The following COL4A1 variants were observed in gnomAD, a reference collection of about 807,000 sequenced individuals.
The protein encoded by COL4A1 is collagen alpha-1(IV) chain.
In COL4A1, 40 loss-of-function variants were observed where a neutral mutation model predicts 216.6. The observed-to-expected ratio is 0.18, with a 90% confidence interval of 0.14 to 0.24. COL4A1 has a LOEUF of 0.24. Among genes scored for constraint, COL4A1 ranks in the 10% least tolerant of loss-of-function variants. The pLI is 1.00. For synonymous variants in COL4A1, 839 were observed against 810.7 expected (o/e 1.03, Z -0.59); for missense variants, 1,628 against 2,196.8 (o/e 0.74, Z 5.18).
intron 2 of COL4A1, among the ~76,000 whole-genome samples, chr13:110,240,977 C>G (rs1390441864): frequency 6.6e-6 from 1 of 152,182 alleles, no homozygotes; most frequent in African/African-American, 2.4e-5. Flanking sequence ...TCAAGCAATT[C>G]TCCTGTCTCA....
intron 2 of COL4A1, among the ~76,000 whole-genome samples, chr13:110,233,985 A>T (rs1007692079): frequency 1.3e-5 from 2 of 152,206 alleles, no homozygotes; most frequent in Non-Finnish European, 2.9e-5. Context: ...CTATCCATGG[A>T]TCTGTCTAGA....
chr13:110,225,523 C>T (rs1465350946), intron 2 of COL4A1, among the ~76,000 whole-genome samples: 2 of 152,164 alleles, frequency 1.3e-5, no homozygotes, highest in East Asian at 3.8e-4. Flanking sequence ...GCAGAGGTTG[C>T]AGTGAGCCGA....
At chr13:110,262,292 G>A (rs1282071493) in intron 1 of COL4A1, among the ~76,000 whole-genome samples, 6 of 152,230 alleles carry the variant, frequency 3.9e-5, no homozygotes, top group African/African-American at 9.6e-5. Context: ...GGCTGAGACC[G>A]CCCAGGGCAG....
At chr13:110,189,520 A>C (rs1178258218) in intron 24 of COL4A1, among the ~76,000 whole-genome samples, 1 of 152,130 alleles carries the variant, frequency 6.6e-6, no homozygotes, top group Non-Finnish European at 1.5e-5. Context: ...ATGACCTGGG[A>C]CACTTCACTT....
Position 110,268,023 on chromosome 13 carries a change from A to C in COL4A1, c.85-25289T>G, listed in dbSNP as rs1465079347. Among the ~76,000 whole-genome samples the C allele has an allele frequency of 2.0e-5, 3 of 152,158 alleles. No individual in the cohort carries two copies. The highest frequency in any genetic ancestry group is 7.2e-5 in the African/African-American group (3 of 41,424). On this transcript the variant is annotated intron_variant, in intron 1 of 51. Transcript: ENST00000375820. The surrounding 1 kb of genome is among the most constrained non-coding windows in gnomAD (Gnocchi z 4.1). ...ACACAGCTGCCCCCCTCAAAAAAAA[A>C]ATACAGAAAAAAGAAACTCTCTGGA...
chr13:110,220,780 G>A (rs1466445495), intron 2 of COL4A1, among the ~76,000 whole-genome samples: 1 of 152,174 alleles, frequency 6.6e-6, no homozygotes, highest in African/African-American at 2.4e-5. Flanking sequence ...CTCAGTGCTG[G>A]AGTCTCCTGG....
rs1477014635 is a variant in COL4A1 at position 110,211,771 on chromosome 13, T to C, written c.441+98A>G. ...ATATTATATATAAAATATAAGTTAT[T>C]AAAACATAAGCAAAGAAAGAAAGAA... On this transcript the variant is annotated intron_variant, in intron 7 of 51. Coordinates refer to ENST00000375820, the MANE Select transcript of COL4A1 (RefSeq NM_001845.6). The surrounding 1 kb of genome is among the most constrained non-coding windows in gnomAD (Gnocchi z 4.3). The C allele has an allele frequency of 6.7e-7, 1 of 1,481,572 alleles. No individual in the cohort carries two copies. The highest frequency in any genetic ancestry group is 9.3e-7 in the Non-Finnish European group (1 of 1,078,230). 91.8% of individuals were successfully genotyped at this position (1,481,572 alleles called of 1,614,324 possible).
chr13:110,161,330 G>A lies in COL4A1; in HGVS notation c.4502C>T (p.Pro1501Leu). 6.2e-7 allele frequency: 1 copy of A among 1,614,090 alleles called. No individual in the cohort carries two copies. The highest frequency in any genetic ancestry group is 8.5e-7 in the Non-Finnish European group (1 of 1,179,968). Reference sequence around the variant, plus strand: ...GTTGTTAATATTGCAGAACAGGAAGGGCATTGTGCTGAACTTGCGCAGGCA... The same window carrying A: ...GTTGTTAATATTGCAGAACAGGAAGAGCATTGTGCTGAACTTGCGCAGGCA... Reference protein sequence around the residue: ...GSCLRKFSTMPFLFCNINNVC... With the variant: ...GSCLRKFSTMLFLFCNINNVC... The change falls in exon 49 of 52, where the codon CCC becomes CTC. Residue 1501 changes from proline to leucine, a missense_variant. By Grantham distance (98) the Pro-to-Leu change is moderately conservative (BLOSUM62 -3). Coordinates refer to ENST00000375820, the MANE Select transcript of COL4A1 (RefSeq NM_001845.6).
intron 39 of COL4A1, 89 bp from the exon 40 acceptor site, chr13:110,174,087 A>T: frequency 7.1e-7 from 1 of 1,404,366 alleles, no homozygotes; most frequent in Non-Finnish European, 9.9e-7. Context: ...GACATCCTTT[A>T]AGGGAGCTGT....
At position 110,187,327 on chromosome 13, in the gene COL4A1, G is replaced by A; in HGVS notation, c.1539C>T (p.Gly513=). 1 of 1,612,122 alleles carries A rather than the reference G, an allele frequency of 6.2e-7. No homozygotes were observed. Among genetic ancestry groups the A allele is most frequent in the South Asian group, 1.1e-5 (1 of 91,006 alleles). The change falls in exon 25 of 52, where the codon GGC becomes GGT. Residue 513 remains glycine, a splice_region_variant and synonymous_variant. Coordinates refer to ENST00000375820, the MANE Select transcript of COL4A1 (RefSeq NM_001845.6). ...PGRDGVAGVP[G]PQGTPGLIGQ... ...CTATCAGCCCTGGTGTACCTTGAGGGCCCTGTAAGAACAAAGCCTTGTGAT... is the reference window on the plus strand; with the variant it reads ...CTATCAGCCCTGGTGTACCTTGAGGACCCTGTAAGAACAAAGCCTTGTGAT...
At chr13:110,270,960 G>A (rs1359760887) in intron 1 of COL4A1, among the ~76,000 whole-genome samples, 1 of 152,136 alleles carries the variant, frequency 6.6e-6, no homozygotes, top group East Asian at 1.9e-4. Flanking sequence ...GGAAAGCAAC[G>A]ACATGTTCAT....
intron 24 of COL4A1, among the ~76,000 whole-genome samples, chr13:110,190,210 T>G (rs1004932289): frequency 6.6e-6 from 1 of 152,064 alleles, no homozygotes; most frequent in Admixed American, 6.6e-5. Context: ...TCTCGTGTGC[T>G]TTCTTTGCCA....
chr13:110,287,300 G>T (rs12870961), intron 1 of COL4A1, among the ~76,000 whole-genome samples: 24,756 of 152,148 alleles, frequency 0.16, 2,260 homozygotes, highest in South Asian at 0.22. Flanking sequence ...ACAGCCTGCC[G>T]TCCCCACCCT....
chr13:110,261,683 T>C (rs903797129), intron 1 of COL4A1, among the ~76,000 whole-genome samples: 4 of 152,186 alleles, frequency 2.6e-5, no homozygotes, highest in African/African-American at 4.8e-5. Flanking sequence ...ATCTGGGGAT[T>C]TGCATCAGAG....
At chr13:110,271,508 C>T (rs1367333819) in intron 1 of COL4A1, among the ~76,000 whole-genome samples, 2 of 152,128 alleles carry the variant, frequency 1.3e-5, no homozygotes, top group Non-Finnish European at 2.9e-5. Context: ...AACACATGAC[C>T]TGGATTTAGT....
Position 110,217,383 on chromosome 13 carries a change from C to T in COL4A1, c.145-3368G>A, listed in dbSNP as rs144147043. Among the ~76,000 whole-genome samples, 38 of 152,316 alleles carry T rather than the reference C, an allele frequency of 2.5e-4. 1 individual carries two copies. In the East Asian group the frequency reaches 6.4e-3, roughly 26 times the overall value. On this transcript the variant is annotated intron_variant, in intron 2 of 51. Transcript: ENST00000375820. ...AATGCTACTAACGTGACCACAGTGA[C>T]CCCCCACTTCCACTGGAGCTCAAGG... is the stretch of plus-strand genomic sequence containing the variant.
chr13:110,256,777 G>A (rs943062937), intron 1 of COL4A1, among the ~76,000 whole-genome samples: 1 of 152,130 alleles, frequency 6.6e-6, no homozygotes, highest in Non-Finnish European at 1.5e-5. Flanking sequence ...CAGCAACAAG[G>A]ATAGCAAATA....
chr13:110,223,602 C>G (rs1880604192), intron 2 of COL4A1, among the ~76,000 whole-genome samples: 1 of 152,222 alleles, frequency 6.6e-6, no homozygotes, highest in African/African-American at 2.4e-5. Context: ...AGGCTTGGAA[C>G]CTCACTTGCT....
chr13:110,284,455 A>C (rs1594115709), intron 1 of COL4A1, among the ~76,000 whole-genome samples: 1 of 152,340 alleles, frequency 6.6e-6, no homozygotes, highest in East Asian at 1.9e-4. Flanking sequence ...CGTCTTGAGA[A>C]GTCAACATGA....
Sources: allele counts gnomAD v4.1 joint callset (sites outside exome capture counted in the v4.1 genomes callset), GRCh38; gene constraint gnomAD v4.1.1; non-coding constraint Gnocchi (gnomAD v3.1); transcripts MANE v1.5; gene names NCBI Gene and HGNC (gene_info 2026-07-23, HGNC 2026-07-21).